PRRG1: variants seen among roughly 807,000 people sequenced by gnomAD.
PRRG1 encodes proline rich and Gla domain 1.
Under a neutral mutation model 11.8 loss-of-function variants are expected in PRRG1, and 5 were observed. That is an observed-to-expected ratio of 0.42 (90% CI 0.22 to 0.89). The LOEUF (loss-of-function observed/expected upper bound fraction) is 0.89, where lower values mean the gene tolerates loss of function less well. PRRG1 is among the 40% of genes least tolerant of loss of function. The pLI is 0.28. For synonymous variants in PRRG1, 66 were observed against 60.4 expected, an observed-to-expected ratio of 1.09 and a Z score of -0.43; for missense variants, 155 against 166.1, an observed-to-expected ratio of 0.93 and a Z score of 0.37.
At chrX:37,428,609 C>G (rs1259577152) in intron 3 of PRRG1, among the ~76,000 whole-genome samples, 1 of 112,253 alleles carries the variant, frequency 8.9e-6, no homozygotes, top group Non-Finnish European at 1.9e-5. Context: ...TACAGCCTCG[C>G]TCCTGGTTGC....
intron 3 of PRRG1, among the ~76,000 whole-genome samples, chrX:37,428,855 T>A (rs781955627): frequency 1.8e-5 from 2 of 113,064 alleles, no homozygotes; most frequent in South Asian, 7.3e-4. Context: ...CCTGGACATC[T>A]GGGTGTTTCC....
chrX:37,437,129 A>G (rs140779993), intron 3 of PRRG1, among the ~76,000 whole-genome samples: 6 of 112,364 alleles, frequency 5.3e-5, no homozygotes, highest in Non-Finnish European at 9.4e-5. Context: ...TATTGATTAT[A>G]TCATTGATAT....
intron 2 of PRRG1, among the ~76,000 whole-genome samples, chrX:37,421,217 C>T (rs1253792703): frequency 9.0e-6 from 1 of 111,671 alleles, no homozygotes; most frequent in African/African-American, 3.2e-5. Flanking sequence ...TATTTTGTGT[C>T]TGTGTATGTG....
chrX:37,390,699 C>T (rs184453273), intron 1 of PRRG1, among the ~76,000 whole-genome samples: 72 of 111,899 alleles, frequency 6.4e-4, no homozygotes, highest in Middle Eastern at 4.6e-3. Context: ...TGTCCAGGAT[C>T]GTCTTCTTCA....
intron 1 of PRRG1, among the ~76,000 whole-genome samples, chrX:37,397,226 T>C (rs1931748950): frequency 8.9e-6 from 1 of 112,587 alleles, no homozygotes; most frequent in Non-Finnish European, 1.9e-5. Flanking sequence ...GCCTGCTATT[T>C]TATAGGACAG....
intron 1 of PRRG1, among the ~76,000 whole-genome samples, chrX:37,386,982 G>A (rs1601989600): frequency 9.0e-6 from 1 of 111,522 alleles, no homozygotes; most frequent in Admixed American, 9.5e-5. Context: ...TAGCCTACCA[G>A]AACTTATCTC....
intron 1 of PRRG1, among the ~76,000 whole-genome samples, chrX:37,389,234 A>G (rs951716799): frequency 2.7e-5 from 3 of 110,882 alleles, no homozygotes; most frequent in Middle Eastern, 4.3e-3. Flanking sequence ...GCATTTTCCT[A>G]TCTCCTTCTG....
chrX:37,401,645 C>T (rs1556380316), intron 1 of PRRG1, among the ~76,000 whole-genome samples: 1 of 110,848 alleles, frequency 9.0e-6, no homozygotes, highest in East Asian at 2.8e-4. Flanking sequence ...TGCAATTAGG[C>T]AGGAGAAAGA....
intron 2 of PRRG1, among the ~76,000 whole-genome samples, chrX:37,419,180 T>G (rs1304319530): frequency 1.8e-5 from 2 of 112,426 alleles, no homozygotes; most frequent in Non-Finnish European, 3.8e-5. Flanking sequence ...TATTTTGTTA[T>G]AGTTACTTGT....
chrX:37,386,251 T>A (rs992195357), intron 1 of PRRG1, among the ~76,000 whole-genome samples: 1 of 112,623 alleles, frequency 8.9e-6, no homozygotes, highest in Non-Finnish European at 1.9e-5. Context: ...ACTCAATACA[T>A]TGTGGACATC....
intron 1 of PRRG1, among the ~76,000 whole-genome samples, chrX:37,380,330 A>G (rs1169072175): frequency 8.9e-6 from 1 of 112,064 alleles, no homozygotes; most frequent in Non-Finnish European, 1.9e-5. Flanking sequence ...GCATTTTAAT[A>G]TTAGAAAATC....
intron 1 of PRRG1, among the ~76,000 whole-genome samples, chrX:37,402,483 C>A (rs1258098282): frequency 2.0e-4 from 22 of 111,553 alleles, no homozygotes; most frequent in Admixed American, 6.6e-4. Flanking sequence ...AAAATTAATT[C>A]AAGATGGATT....
chrX:37,353,018 T>G (rs1055267958), intron 1 of PRRG1, among the ~76,000 whole-genome samples: 3 of 112,194 alleles, frequency 2.7e-5, no homozygotes, highest in Non-Finnish European at 5.6e-5. Flanking sequence ...TAGAGTATAC[T>G]TCTACTTATA....
At position 37,455,880 on chromosome X, in the gene PRRG1, A is replaced by G. The variant is rs1921336862; in HGVS notation, c.*2259A>G. The G allele has an allele frequency of 1.8e-5, 2 of 111,841 alleles. No homozygotes were observed. The highest frequency in any genetic ancestry group is 1.9e-4 in the Admixed American group (2 of 10,552). 9.2% of individuals were successfully genotyped at this position (111,841 alleles called of 1,213,427 possible). On this transcript the variant is annotated 3_prime_UTR_variant, in exon 4 of 4. Transcript: ENST00000378628. ...TCTTTAATGTCAGGCTTTAGATTAG[A>G]CCAGCAGTTTTCAAAGTATGGCCAA...
At chrX:37,445,550 C>T (rs5963080) in intron 3 of PRRG1, among the ~76,000 whole-genome samples, 4,719 of 112,227 alleles carry the variant, frequency 0.042, 255 homozygotes, top group African/African-American at 0.15. Context: ...ACAACTTACT[C>T]GATCATGCCC....
In PRRG1 at chrX:37,453,255, C is replaced by A. The variant is rs782406377; in HGVS notation, c.291C>A (p.Val97=). 5.8e-6 allele frequency: 7 copies of A among 1,210,954 alleles called. No homozygotes were observed. Among genetic ancestry groups the A allele is most frequent in the Middle Eastern group, 2.3e-4 (1 of 4,356 alleles). The change falls in exon 4 of 4, where the codon GTC becomes GTA. Residue 97 remains valine (V), a synonymous_variant. Coordinates refer to ENST00000378628, the MANE Select transcript of PRRG1 (RefSeq NM_001142395.2). ...LIFGLFIILL[V]IFLIWRCFLR... is the part of the protein sequence containing the mutation. ...TTGGCCTCTTCATTATCCTCCTTGT[C>A]ATTTTCCTAATCTGGAGATGCTTCC...
At chrX:37,377,955 C>A (rs964683390) in intron 1 of PRRG1, among the ~76,000 whole-genome samples, 1 of 111,450 alleles carries the variant, frequency 9.0e-6, no homozygotes, top group African/African-American at 3.3e-5. Flanking sequence ...TGTATGCAGC[C>A]TTTTTCTCCT....
rs2146645441 is a variant in PRRG1, at chrX:37,455,975, A to G, written c.*2354A>G. On this transcript the variant is annotated 3_prime_UTR_variant, in exon 4 of 4. Transcript: ENST00000378628. Reference sequence around the variant, plus strand: ...ATCAAAATATTTTTATTATAATGTGAAGACATTGTCTTTTCACTCTATCTC... The same window carrying G: ...ATCAAAATATTTTTATTATAATGTGGAGACATTGTCTTTTCACTCTATCTC... 8.9e-6 allele frequency: 1 copy of G among 112,117 alleles called. No individual in the cohort carries two copies. The highest frequency in any genetic ancestry group is 2.8e-4 in the East Asian group (1 of 3,591). The allele number at this position is 112,117 out of a possible 1,213,427, so 9.2% of individuals were successfully genotyped here.
chrX:37,380,898 A>C (rs1424881426), intron 1 of PRRG1, among the ~76,000 whole-genome samples: 1 of 111,641 alleles, frequency 9.0e-6, no homozygotes, highest in East Asian at 2.8e-4. Flanking sequence ...CCAGGGCTGC[A>C]CTGATTCTGT....
Sources: gnomAD v4.1 joint callset for allele counts (sites outside exome capture counted in the v4.1 genomes callset) on GRCh38, gnomAD v4.1.1 for gene constraint, MANE v1.5 for transcripts, NCBI Gene and HGNC (gene_info 2026-07-23, HGNC 2026-07-21) for gene names.